PBX1: variants seen among roughly 807,000 people sequenced by gnomAD.
PBX1 encodes PBX homeobox 1.
PBX1 carries 6 observed loss-of-function variants against 53.4 expected under a neutral mutation model. The ratio of observed to expected loss-of-function variants is 0.11; its 90% CI spans 0.06 to 0.22. The LOEUF is 0.22. Ranked by LOEUF, PBX1 falls within the 10% of genes least tolerant of loss-of-function variation. The pLI is 1.00. For missense variants in PBX1, 251 were observed against 551.4 expected (o/e 0.46, Z 5.46); for synonymous variants, 204 against 212.3 (o/e 0.96, Z 0.34).
chr1:164,685,794 A>G (rs1243195095), intron 2 of PBX1, among the ~76,000 whole-genome samples: 1 of 152,254 alleles, frequency 6.6e-6, no homozygotes, highest in Non-Finnish European at 1.5e-5. Flanking sequence ...CCTGGACAGG[A>G]ACTCAGACTG....
intron 4 of PBX1, among the ~76,000 whole-genome samples, chr1:164,805,796 A>G (rs1386849897): frequency 1.3e-5 from 2 of 152,170 alleles, no homozygotes; most frequent in Non-Finnish European, 2.9e-5. Flanking sequence ...TTTAAATCCA[A>G]TCTGTACAAT....
Position 164,848,053 on chromosome 1 carries a change from T to A in PBX1, c.*1377T>A. Reference sequence around the variant, plus strand: ...TGTTCTTGGTCCTGACCTATTGCTCTGGAGGAAAGAGTTGTATAAGAACGT... The same window carrying A: ...TGTTCTTGGTCCTGACCTATTGCTCAGGAGGAAAGAGTTGTATAAGAACGT... On this transcript the variant is annotated 3_prime_UTR_variant, in exon 9 of 9. Coordinates refer to ENST00000420696, the MANE Select transcript of PBX1 (RefSeq NM_002585.4). The A allele has an allele frequency of 9.5e-7, 1 of 1,050,680 alleles. No homozygotes were observed. The highest frequency in any genetic ancestry group is 1.1e-6 in the Non-Finnish European group (1 of 870,114). The allele number at this position is 1,050,680 out of a possible 1,614,324, so 65.1% of individuals were successfully genotyped here.
intron 2 of PBX1, among the ~76,000 whole-genome samples, chr1:164,747,950 A>T (rs573659137): frequency 1.3e-5 from 2 of 152,178 alleles, no homozygotes; most frequent in Admixed American, 6.5e-5. Flanking sequence ...ACAAATCATG[A>T]GTATGCATCA....
chr1:164,873,886 TA>T (rs971505143), intron 2 of PBX1, among the ~76,000 whole-genome samples: 28 of 151,812 alleles, frequency 1.8e-4, no homozygotes, highest in East Asian at 9.7e-4. Flanking sequence ...AATAACAGCT[TA>T]AAAAAAAATT....
chr1:164,763,518 G>T (rs896943474), intron 2 of PBX1, among the ~76,000 whole-genome samples: 1 of 152,196 alleles, frequency 6.6e-6, no homozygotes, highest in African/African-American at 2.4e-5. Context: ...AAATGTTCCA[G>T]CTCTTAGAAA....
At chr1:164,601,688 T>C (rs963234932) in intron 2 of PBX1, among the ~76,000 whole-genome samples, 6 of 152,208 alleles carry the variant, frequency 3.9e-5, no homozygotes, top group African/African-American at 1.4e-4. Context: ...TCCCAGTCCC[T>C]GTCACCTGCC....
chr1:164,867,838 C>T (rs907501863), intron 2 of PBX1, among the ~76,000 whole-genome samples: 12 of 152,204 alleles, frequency 7.9e-5, no homozygotes, highest in African/African-American at 2.7e-4. Flanking sequence ...CGGCCCAGCC[C>T]GCAGCTTTTG....
intron 2 of PBX1, among the ~76,000 whole-genome samples, chr1:164,858,461 A>G (rs1672024114): frequency 6.6e-6 from 1 of 151,918 alleles, no homozygotes; most frequent in African/African-American, 2.4e-5. Flanking sequence ...ACACACACAC[A>G]CACACACACA....
At chr1:164,714,158 A>C (rs1016314878) in intron 2 of PBX1, among the ~76,000 whole-genome samples, 1 of 152,248 alleles carries the variant, frequency 6.6e-6, no homozygotes, top group Non-Finnish European at 1.5e-5. Flanking sequence ...AGCCAAATAT[A>C]AATGATTTTG....
chr1:164,725,839 T>A (rs1489199816), intron 2 of PBX1, among the ~76,000 whole-genome samples: 1 of 152,176 alleles, frequency 6.6e-6, no homozygotes, highest in Non-Finnish European at 1.5e-5. Flanking sequence ...CCAAGATGGA[T>A]AAATAAGTGA....
chr1:164,784,843 T>G (rs934624457), intron 2 of PBX1, among the ~76,000 whole-genome samples: 1 of 152,046 alleles, frequency 6.6e-6, no homozygotes, highest in Admixed American at 6.6e-5. Context: ...CTTGGTTCAT[T>G]TACTAAATCC....
At chr1:164,868,539 G>C (rs1292806033) in intron 2 of PBX1, among the ~76,000 whole-genome samples, 1 of 152,208 alleles carries the variant, frequency 6.6e-6, no homozygotes, top group African/African-American at 2.4e-5. Flanking sequence ...CATGGTCCAA[G>C]GGATGGGTGA....
rs528487942 is a variant in PBX1 at position 164,621,307 on chromosome 1, C to G, written c.265+57996C>G. On this transcript the variant is annotated intron_variant, in intron 2 of 8. Transcript: ENST00000420696. ...CTTCCTCCCCTATTTTCTTAACAGT[C>G]TTCCTTCTCTTTCTGTCTGTCTGTA... 2.0e-5 allele frequency among the ~76,000 whole-genome samples: 3 copies of G among 152,352 alleles called. No individual in the cohort carries two copies. In the South Asian group the frequency reaches 6.2e-4, roughly 32 times the overall value.
At chr1:164,593,052 G>A (rs560638690) in intron 2 of PBX1, among the ~76,000 whole-genome samples, 1 of 152,042 alleles carries the variant, frequency 6.6e-6, no homozygotes, top group African/African-American at 2.4e-5. Context: ...CTGTCTCCTG[G>A]GTTCAAGGGA....
chr1:164,728,738 G>A (rs142716285), intron 2 of PBX1, among the ~76,000 whole-genome samples: 1 of 152,098 alleles, frequency 6.6e-6, no homozygotes, highest in Admixed American at 6.5e-5. Flanking sequence ...TTTATTCAGG[G>A]CCTCTGGTTT....
At chr1:164,841,714 T>A (rs1410169188) in intron 8 of PBX1, among the ~76,000 whole-genome samples, 1 of 152,184 alleles carries the variant, frequency 6.6e-6, no homozygotes, top group Non-Finnish European at 1.5e-5. Flanking sequence ...ATCTAGGATG[T>A]GACCTCTGCT....
intron 2 of PBX1, among the ~76,000 whole-genome samples, chr1:164,644,323 A>G (rs950802884): frequency 1.3e-5 from 2 of 152,150 alleles, no homozygotes; most frequent in African/African-American, 4.8e-5. Flanking sequence ...TCTAGTCTAT[A>G]TCCAACTGTA....
intron 2 of PBX1, among the ~76,000 whole-genome samples, chr1:164,677,652 A>C (rs1221894463): frequency 6.6e-6 from 1 of 152,132 alleles, no homozygotes; most frequent in Non-Finnish European, 1.5e-5. Flanking sequence ...GGTTGGCTTC[A>C]TTGAGAGGAG....
At chr1:164,755,369 G>A (rs1666456063) in intron 2 of PBX1, among the ~76,000 whole-genome samples, 1 of 152,146 alleles carries the variant, frequency 6.6e-6, no homozygotes, top group Non-Finnish European at 1.5e-5. Context: ...GGCTGGTCTT[G>A]AACTCCTGAC....
Sources: allele counts gnomAD v4.1 joint callset (sites outside exome capture counted in the v4.1 genomes callset), GRCh38; gene constraint gnomAD v4.1.1; transcripts MANE v1.5; gene names NCBI Gene and HGNC (gene_info 2026-07-23, HGNC 2026-07-21).